The following ZNF81 variants were observed in gnomAD, a reference collection of about 807,000 sequenced individuals.
ZNF81 encodes the protein zinc finger protein 81 (HFZ20).
A neutral mutation model predicts 32.3 loss-of-function variants in ZNF81; 5 were observed. The observed-to-expected ratio is 0.15, with a 90% CI of 0.08 to 0.33. ZNF81 has a LOEUF of 0.33. Among genes scored for constraint, ZNF81 ranks in the 10% least tolerant of loss-of-function variants. The pLI, the probability that ZNF81 is intolerant of heterozygous loss-of-function variation, is 1.00. For synonymous variants in ZNF81, 163 were observed against 166.8 expected (o/e 0.98, Z 0.17); for missense variants, 379 against 479.8 (o/e 0.79, Z 1.96).
intron 4 of ZNF81, among the ~76,000 whole-genome samples, chrX:47,910,798 C>G (rs1210195073): frequency 8.9e-6 from 1 of 112,086 alleles, no homozygotes; most frequent in Non-Finnish European, 1.9e-5. Flanking sequence ...TTGGGATCAT[C>G]ATTACCCAAA....
intron 4 of ZNF81, among the ~76,000 whole-genome samples, chrX:47,904,926 A>G (rs1556888854): frequency 9.0e-6 from 1 of 111,210 alleles, no homozygotes; most frequent in African/African-American, 3.3e-5. Flanking sequence ...ACATGGATGA[A>G]GCTGGAAACC....
chrX:47,846,670 G>C (rs1177660429), intron 2 of ZNF81, among the ~76,000 whole-genome samples: 1 of 110,994 alleles, frequency 9.0e-6, no homozygotes, highest in Non-Finnish European at 1.9e-5. Flanking sequence ...AGTTCTCTAA[G>C]TCTTGTTTAA....
chrX:47,857,400 A>C (rs782798759), intron 2 of ZNF81, among the ~76,000 whole-genome samples: 8 of 112,832 alleles, frequency 7.1e-5, no homozygotes, highest in Non-Finnish European at 1.5e-4. Context: ...ATTTTACATA[A>C]ATATGTTTAA....
At chrX:47,868,155 A>G (rs1476650493) in intron 2 of ZNF81, among the ~76,000 whole-genome samples, 1 of 111,565 alleles carries the variant, frequency 9.0e-6, no homozygotes, top group Non-Finnish European at 1.9e-5. Context: ...CTAAATCAAT[A>G]GTAACACCAG....
intron 2 of ZNF81, among the ~76,000 whole-genome samples, chrX:47,862,733 G>C (rs931408701): frequency 9.9e-5 from 11 of 111,060 alleles, no homozygotes; most frequent in Non-Finnish European, 1.3e-4. Flanking sequence ...GAAATTGAAT[G>C]TATTCAGGCT....
rs1362326495 is a variant in ZNF81 at position 47,924,872 on chromosome X, C to G, written c.*8240C>G. Among the ~76,000 whole-genome samples, 3 of 111,417 alleles carry G rather than the reference C, an allele frequency of 2.7e-5. No homozygotes were observed. The East Asian group carries it at 8.4e-4, about 31-fold the overall frequency. On this transcript the variant is annotated 3_prime_UTR_variant, in exon 5 of 5. Coordinates refer to ENST00000338637, the MANE Select transcript of ZNF81 (RefSeq NM_007137.5). Reference sequence around the variant, plus strand: ...CAATATAACATTATTTCCCTCACATCTTAATTATGTGTATTTTCAATCATG... The same window carrying G: ...CAATATAACATTATTTCCCTCACATGTTAATTATGTGTATTTTCAATCATG...
intron 2 of ZNF81, among the ~76,000 whole-genome samples, chrX:47,882,396 G>T (rs1331797251): frequency 8.9e-6 from 1 of 111,880 alleles, no homozygotes; most frequent in Non-Finnish European, 1.9e-5. Flanking sequence ...TCAGTGTTTG[G>T]CTTCTGTTTG....
intron 2 of ZNF81, among the ~76,000 whole-genome samples, chrX:47,877,777 A>G (rs2058605691): frequency 8.9e-6 from 1 of 112,309 alleles, no homozygotes; most frequent in Admixed American, 9.4e-5. Flanking sequence ...AGTTTTAAAC[A>G]TAAAAACGAG....
rs1040491568 is a variant in ZNF81 at position 47,846,181 on chromosome X, A to G, written c.-87A>G. ...GCAGGATCTTCCTTCTGACCCCAGC[A>G]GTCCCCGTTGAGTCCACCGATCCCA... On this transcript the variant is annotated 5_prime_UTR_variant, in exon 2 of 5. Coordinates refer to ENST00000338637, the MANE Select transcript of ZNF81 (RefSeq NM_007137.5). 4 of 1,060,552 alleles carry G rather than the reference A, an allele frequency of 3.8e-6. No homozygotes were observed. Among genetic ancestry groups the G allele is most frequent in the Non-Finnish European group, 1.3e-6 (1 of 774,946 alleles). The allele number at this position is 1,060,552 out of a possible 1,213,427, so 87.4% of individuals were successfully genotyped here.
At chrX:47,901,778 C>G (rs1230174132) in intron 4 of ZNF81, among the ~76,000 whole-genome samples, 1 of 84,127 alleles carries the variant, frequency 1.2e-5, no homozygotes, top group African/African-American at 3.9e-5. Flanking sequence ...GGGGGGTTCC[C>G]TTATAATATC....
chrX:47,906,939 A>G (rs1226341056), intron 4 of ZNF81, among the ~76,000 whole-genome samples: 1 of 112,493 alleles, frequency 8.9e-6, no homozygotes. Flanking sequence ...GGTTTGAAAT[A>G]TTTCACTACT....
At chrX:47,873,988 T>C (rs2058590237) in intron 2 of ZNF81, among the ~76,000 whole-genome samples, 1 of 112,028 alleles carries the variant, frequency 8.9e-6, no homozygotes, top group Non-Finnish European at 1.9e-5. Context: ...TTTTAATTGC[T>C]TCTCTTCTTC....
At chrX:47,849,048 T>G (rs929303069) in intron 2 of ZNF81, among the ~76,000 whole-genome samples, 3 of 112,176 alleles carry the variant, frequency 2.7e-5, no homozygotes, top group Non-Finnish European at 5.6e-5. Context: ...TTTTTATCAA[T>G]TTTTGTTAAT....
chrX:47,852,886 C>T, intron 2 of ZNF81, among the ~76,000 whole-genome samples: 1 of 112,788 alleles, frequency 8.9e-6, no homozygotes, highest in East Asian at 2.8e-4. Flanking sequence ...GAATCACCAT[C>T]TGTGGCAGCT....
rs1603175662 is a variant in ZNF81, at chrX:47,856,416, A to C, written c.54+10095A>C. 3.6e-5 allele frequency among the ~76,000 whole-genome samples: 4 copies of C among 111,652 alleles called. 1 individual carries two copies. In the Admixed American group the frequency reaches 3.8e-4, roughly 11 times the overall value. ...AGTGATAAGACTAAATGTAGAATGA[A>C]TAGTAATTTTCAAATGAGCATTAAG... On this transcript the variant is annotated intron_variant, in intron 2 of 4. Transcript: ENST00000338637.
chrX:47,905,619 A>AT (rs782640613), intron 4 of ZNF81, among the ~76,000 whole-genome samples: 17 of 104,144 alleles, frequency 1.6e-4, no homozygotes, highest in South Asian at 8.3e-4. Flanking sequence ...CAGGAGTGTC[A>AT]TTTTTTTTTT....
rs2058786974 is a variant in ZNF81 at position 47,925,119 on chromosome X, C to T, written c.*8487C>T. On this transcript the variant is annotated 3_prime_UTR_variant, in exon 5 of 5. Coordinates refer to ENST00000338637, the MANE Select transcript of ZNF81 (RefSeq NM_007137.5). ...TATCCAGTCCATTTCCAAATTTCTC[C>T]CATTGTCCCCAAAACATATTTTACA... Among the ~76,000 whole-genome samples, 1 of 111,469 alleles carries T rather than the reference C, an allele frequency of 9.0e-6. No homozygotes were observed. The highest frequency in any genetic ancestry group is 1.9e-5 in the Non-Finnish European group (1 of 53,050).
At chrX:47,871,589 A>G (rs1270640797) in intron 2 of ZNF81, among the ~76,000 whole-genome samples, 5 of 111,924 alleles carry the variant, frequency 4.5e-5, no homozygotes, top group African/African-American at 1.3e-4. Flanking sequence ...ATGATCATCT[A>G]TTTGACCAGG....
At chrX:47,887,845 A>G (rs1277301949) in intron 2 of ZNF81, among the ~76,000 whole-genome samples, 154 bp from the exon 3 acceptor site, 1 of 112,050 alleles carries the variant, frequency 8.9e-6, no homozygotes, top group African/African-American at 3.2e-5. Flanking sequence ...ATTCTACACA[A>G]TATTACATAT....
Sources: allele counts gnomAD v4.1 joint callset (sites outside exome capture counted in the v4.1 genomes callset), GRCh38; gene constraint gnomAD v4.1.1; transcripts MANE v1.5; gene names NCBI Gene and HGNC (gene_info 2026-07-23, HGNC 2026-07-21).